Variants in RHOF observed in about 807,000 individuals in gnomAD.
RHOF encodes the protein rho-related GTP-binding protein RhoF.
RHOF carries 21 observed loss-of-function variants against 22.2 expected under a neutral mutation model. The ratio of observed to expected loss-of-function variants is 0.95; its 90% CI spans 0.67 to 1.36. The LOEUF is 1.36. RHOF is among the 40% of genes most tolerant of loss of function. RHOF has a pLI of 0.00. For missense variants in RHOF, 285 were observed against 293.7 expected (o/e 0.97, Z 0.22); for synonymous variants, 135 against 131.2 (o/e 1.03, Z -0.20).
rs140561675 is a variant in RHOF, at chr12:121,789,571, C to T, written c.226+3581G>A. Among the ~76,000 whole-genome samples, 156 of 152,268 alleles carry T rather than the reference C, an allele frequency of 1.0e-3. 1 individual carries two copies. In the East Asian group the frequency reaches 0.013, roughly 12 times the overall value. Reference sequence around the variant, plus strand: ...GGCGTTGGTCAGGGAGGGGTACTGGCAGCATGAGAAGTGAAGCTGCCAGAA... The same window carrying T: ...GGCGTTGGTCAGGGAGGGGTACTGGTAGCATGAGAAGTGAAGCTGCCAGAA... On this transcript the variant is annotated intron_variant, in intron 2 of 4. Transcript: ENST00000267205.
At chr12:121,784,260 T>A (rs1874549516) in intron 2 of RHOF, among the ~76,000 whole-genome samples, 1 of 116,064 alleles carries the variant, frequency 8.6e-6, no homozygotes, top group Admixed American at 7.9e-5. Flanking sequence ...GGTTAAGAAA[T>A]CCTTGGTGAA....
chr12:121,781,385 C>T (rs542879856), intron 2 of RHOF, 193 bp from the exon 3 acceptor site: 29 of 565,188 alleles, frequency 5.1e-5, no homozygotes, highest in South Asian at 3.4e-4. Context: ...GCCGGAGGAT[C>T]GCTTGAGCCC....
intron 2 of RHOF, among the ~76,000 whole-genome samples, chr12:121,791,958 C>T (rs1874776365): frequency 6.6e-6 from 1 of 152,232 alleles, no homozygotes; most frequent in South Asian, 2.1e-4. Context: ...GGCCACGCCC[C>T]GGGAATTCCT....
intron 4 of RHOF, chr12:121,780,663 A>G: frequency 1.6e-6 from 1 of 613,980 alleles, no homozygotes. Context: ...GGATGTGAAC[A>G]GCGCCTGCCT....
chr12:121,793,121 C>CA, intron 2 of RHOF, 31 bp downstream of exon 2: 1 of 1,541,886 alleles, frequency 6.5e-7, no homozygotes, highest in Non-Finnish European at 8.8e-7. Context: ...CGGGCGGACC[C>CA]TCGGGCCCCC....
Position 121,780,520 on chromosome 12 carries a change from A to T in RHOF, c.471+352T>A, listed in dbSNP as rs1874410759. 6 of 428,776 alleles carry T rather than the reference A, an allele frequency of 1.4e-5. No homozygotes were observed. In the South Asian group the frequency reaches 3.4e-4, roughly 24 times the overall value. 26.6% of individuals were successfully genotyped at this position (428,776 alleles called of 1,614,324 possible). On this transcript the variant is annotated intron_variant, in intron 4 of 4. Coordinates refer to ENST00000267205, the MANE Select transcript of RHOF (RefSeq NM_019034.3). Reference sequence around the variant, plus strand: ...AACAAGGCAGACAGGACACGACAGGACGGCGGCTCATAGCACAGACTTTGG... The same window carrying T: ...AACAAGGCAGACAGGACACGACAGGTCGGCGGCTCATAGCACAGACTTTGG...
Position 121,791,635 on chromosome 12 carries a change from C to T in RHOF, c.226+1517G>A, listed in dbSNP as rs190519597. On this transcript the variant is annotated intron_variant, in intron 2 of 4. Transcript: ENST00000267205. ...AGCAACTTGCAGCTTTCCAGAATCT[C>T]CACAACTCAATCTACTCTGACATGT... Among the ~76,000 whole-genome samples, 12 of 152,320 alleles carry T rather than the reference C, an allele frequency of 7.9e-5. No individual in the cohort carries two copies. The East Asian group carries it at 2.3e-3, about 29-fold the overall frequency.
At chr12:121,786,057 A>G (rs1252060714) in intron 2 of RHOF, among the ~76,000 whole-genome samples, 1 of 150,540 alleles carries the variant, frequency 6.6e-6, no homozygotes, top group Non-Finnish European at 1.5e-5. Context: ...CTGGGACTAC[A>G]GGCGCCCACC....
intron 2 of RHOF, among the ~76,000 whole-genome samples, chr12:121,789,517 CAG>C (rs1008620989): frequency 9.2e-5 from 14 of 152,302 alleles, no homozygotes; most frequent in African/African-American, 3.4e-4. Flanking sequence ...GGAGGACACA[CAG>C]GGCGGGTGGA....
intron 1 of RHOF, 106 bp from the exon 2 acceptor site, chr12:121,793,345 T>C (rs886607489): frequency 2.1e-6 from 3 of 1,428,742 alleles, no homozygotes; most frequent in Non-Finnish European, 9.6e-7. Flanking sequence ...CAGCCCCCCC[T>C]CACCCCGCTG....
At chr12:121,783,875 A>G (rs1394296541) in intron 2 of RHOF, among the ~76,000 whole-genome samples, 1 of 152,066 alleles carries the variant, frequency 6.6e-6, no homozygotes, top group Non-Finnish European at 1.5e-5. Flanking sequence ...GAGTGCTGGG[A>G]TTATAGGCAT....
intron 2 of RHOF, 51 bp from the exon 3 acceptor site, chr12:121,781,243 C>T (rs372192855): frequency 2.0e-6 from 3 of 1,535,618 alleles, no homozygotes; most frequent in Non-Finnish European, 2.7e-6. Context: ...CCTGTCTGGA[C>T]TCTGACGGGT....
intron 4 of RHOF, 186 bp downstream of exon 4, chr12:121,780,686 G>A: frequency 1.5e-6 from 1 of 666,882 alleles, no homozygotes; most frequent in Non-Finnish European, 2.5e-6. Flanking sequence ...GAGTCCTAAG[G>A]ATTGGGAGTA....
chr12:121,781,305 A>C (rs1172587898), intron 2 of RHOF, 113 bp from the exon 3 acceptor site: 4 of 868,408 alleles, frequency 4.6e-6, no homozygotes, highest in Admixed American at 2.4e-5. Context: ...CAATTTCCTC[A>C]TCTATACAAT....
intron 1 of RHOF, 40 bp from the exon 2 acceptor site, chr12:121,793,279 G>A: frequency 6.5e-7 from 1 of 1,527,158 alleles, no homozygotes; most frequent in Non-Finnish European, 8.9e-7. Flanking sequence ...AGTGGGGCCG[G>A]CGGGGGCCAA....
rs1362073929 is a variant in RHOF, at chr12:121,779,493, C to T, written c.*5G>A. The stretch of plus-strand genomic sequence containing the variant: ...AGTGCTGTCGTGAGGTCTGTCTGCC[C>T]TGGGTCAGAGCAGCAGGCAGAGCCG... On this transcript the variant is annotated 3_prime_UTR_variant, in exon 5 of 5. Transcript: ENST00000267205. The T allele has an allele frequency of 1.9e-6, 3 of 1,610,956 alleles. No individual in the cohort carries two copies. The South Asian group carries it at 3.3e-5, about 18-fold the overall frequency.
At position 121,789,501 on chromosome 12, in the gene RHOF, T is replaced by A. The variant is rs114350225; in HGVS notation, c.226+3651A>T. 4.5e-3 allele frequency among the ~76,000 whole-genome samples: 684 copies of A among 152,058 alleles called. 3 individuals are homozygous for A. Among genetic ancestry groups the A allele is most frequent in the African/African-American group, 0.016 (648 of 41,494 alleles). ...AGAGTTGAGGAAAAAAGACCTCAAA[T>A]CTGCAGGAGGACACACAGGGCGGGT... On this transcript the variant is annotated intron_variant, in intron 2 of 4. Transcript: ENST00000267205.
At position 121,793,249 on chromosome 12, in the gene RHOF, AG is replaced by A; in HGVS notation, c.139-11del. 6.4e-7 allele frequency: 1 copy of A among 1,550,462 alleles called. No individual in the cohort carries two copies. Among genetic ancestry groups the A allele is most frequent in the Non-Finnish European group, 8.7e-7 (1 of 1,146,620 alleles). On this transcript the variant is annotated splice_polypyrimidine_tract_variant and intron_variant, in intron 1 of 4. Coordinates refer to ENST00000267205, the MANE Select transcript of RHOF (RefSeq NM_019034.3). ...CCGATGGGGCGTAGTGCTGCGGGAG[AG>A]GGGGTCGGGTTGGTCCTTAGTGGGG...
rs751392749 is a variant in RHOF at position 121,781,064 on chromosome 12, C to A, written c.336+19G>T. Reference sequence around the variant, plus strand: ...GCCGGGCCCAGATGTGGGGCCACCACCCAGGAGGCCGGCCTCACCTTGATG... The same window carrying A: ...GCCGGGCCCAGATGTGGGGCCACCAACCAGGAGGCCGGCCTCACCTTGATG... On this transcript the variant is annotated intron_variant, in intron 3 of 4. Transcript: ENST00000267205. The A allele has an allele frequency of 2.5e-6, 4 of 1,613,960 alleles. No individual in the cohort carries two copies. Among genetic ancestry groups the A allele is most frequent in the Non-Finnish European group, 3.4e-6 (4 of 1,179,842 alleles).
Sources: allele counts gnomAD v4.1 joint callset (sites outside exome capture counted in the v4.1 genomes callset), GRCh38; gene constraint gnomAD v4.1.1; transcripts MANE v1.5; gene names NCBI Gene and HGNC (gene_info 2026-07-23, HGNC 2026-07-21).